LRRC37A2: variants seen among roughly 807,000 people sequenced by gnomAD.
The protein encoded by LRRC37A2 is leucine-rich repeat-containing protein 37A2.
In LRRC37A2, 9 loss-of-function variants were observed where a neutral mutation model predicts 68.8. The ratio of observed to expected loss-of-function variants is 0.13; its 90% CI spans 0.08 to 0.23. The LOEUF (loss-of-function observed/expected upper bound fraction) is 0.23. LRRC37A2 is among the 10% of genes least tolerant of loss of function. The pLI is 1.00. For synonymous variants in LRRC37A2, 63 were observed against 367.6 expected (o/e 0.17, Z 9.48); for missense variants, 168 against 950.4 (o/e 0.18, Z 10.82).
the LRRC37A2 span, among the ~76,000 whole-genome samples, chr17:46,945,055 C>T: frequency 6.6e-6 from 1 of 152,112 alleles, no homozygotes; most frequent in Non-Finnish European, 1.5e-5. Context: ...TAGTTTAGTG[C>T]GGCCATTGTG....
At chr17:46,803,140 T>C in the LRRC37A2 span, among the ~76,000 whole-genome samples, 2 of 152,232 alleles carry the variant, frequency 1.3e-5, no homozygotes, top group Non-Finnish European at 2.9e-5. Context: ...GCTTGCTTGG[T>C]GTATGCACGC....
chr17:47,013,396 A>G, the LRRC37A2 span, among the ~76,000 whole-genome samples: 1 of 152,260 alleles, frequency 6.6e-6, no homozygotes, highest in Non-Finnish European at 1.5e-5. Flanking sequence ...ATTGTCCAAG[A>G]TCTGGCCAGT....
At chr17:46,729,457 C>T in the LRRC37A2 span, among the ~76,000 whole-genome samples, 1 of 152,004 alleles carries the variant, frequency 6.6e-6, no homozygotes, top group Non-Finnish European at 1.5e-5. Flanking sequence ...ATCTTGATTC[C>T]TGTGTTTGCA....
At chr17:46,955,061 G>C in the LRRC37A2 span, among the ~76,000 whole-genome samples, 1 of 152,196 alleles carries the variant, frequency 6.6e-6, no homozygotes, top group Non-Finnish European at 1.5e-5. Flanking sequence ...TGTTGAATAG[G>C]AGTGGTGAGA....
the LRRC37A2 span, among the ~76,000 whole-genome samples, chr17:46,793,108 TAA>T: frequency 6.2e-3 from 869 of 140,052 alleles, 1 homozygote; most frequent in Middle Eastern, 0.014. Flanking sequence ...CTACTAAAAT[TAA>T]AAAAAAAAAA....
chr17:46,903,618 A>G, the LRRC37A2 span, among the ~76,000 whole-genome samples: 7 of 152,006 alleles, frequency 4.6e-5, no homozygotes, highest in Non-Finnish European at 1.0e-4. Flanking sequence ...CATGGCTTCC[A>G]CCTCTCTGGA....
the LRRC37A2 span, among the ~76,000 whole-genome samples, chr17:46,709,964 A>G: frequency 6.6e-6 from 1 of 152,216 alleles, no homozygotes; most frequent in Non-Finnish European, 1.5e-5. Context: ...GTGGTCTGAA[A>G]AATTATTTTG....
At chr17:46,610,027 T>TTCTTTCTTTCTC in the LRRC37A2 span, among the ~76,000 whole-genome samples, 70 of 109,528 alleles carry the variant, frequency 6.4e-4, 1 homozygote, top group African/African-American at 1.9e-3. Flanking sequence ...CTTTCTTTCT[T>TTCTTTCTTTCTC]TCTCTCTCTC....
At chr17:46,938,434 C>T in the LRRC37A2 span, among the ~76,000 whole-genome samples, 2 of 152,088 alleles carry the variant, frequency 1.3e-5, no homozygotes, top group African/African-American at 2.4e-5. Flanking sequence ...AAAAATCAGT[C>T]GACGACATGA....
chr17:46,731,607 C>G, the LRRC37A2 span, among the ~76,000 whole-genome samples: 4 of 152,040 alleles, frequency 2.6e-5, no homozygotes, highest in African/African-American at 7.2e-5. Flanking sequence ...CGTGGCCCAG[C>G]TTGGGAGAAA....
the LRRC37A2 span, among the ~76,000 whole-genome samples, chr17:46,697,363 A>G: frequency 6.8e-6 from 1 of 147,048 alleles, no homozygotes; most frequent in Admixed American, 6.8e-5. Context: ...GGCATGTGCC[A>G]CCACGCCCAG....
the LRRC37A2 span, chr17:46,938,612 A>T: frequency 6.2e-7 from 1 of 1,613,994 alleles, no homozygotes. Context: ...ACTCAGAAGA[A>T]GATCCTTGAC....
At chr17:46,832,223 C>G in the LRRC37A2 span, among the ~76,000 whole-genome samples, 1 of 152,190 alleles carries the variant, frequency 6.6e-6, no homozygotes, top group African/African-American at 2.4e-5. Context: ...GAGTTTAAGC[C>G]TTGGTTCCAG....
the LRRC37A2 span, among the ~76,000 whole-genome samples, chr17:46,904,706 T>C: frequency 6.6e-6 from 1 of 152,138 alleles, no homozygotes; most frequent in Non-Finnish European, 1.5e-5. Context: ...GTATTCTCAA[T>C]TCAGGTTAGA....
the LRRC37A2 span, among the ~76,000 whole-genome samples, chr17:46,822,576 C>T: frequency 2.0e-5 from 3 of 152,230 alleles, no homozygotes; most frequent in Admixed American, 6.5e-5. Flanking sequence ...GGTCCCACTC[C>T]GCTCCCTGCG....
At chr17:46,931,220 C>T in the LRRC37A2 span, 2 of 1,173,714 alleles carry the variant, frequency 1.7e-6, no homozygotes, top group East Asian at 2.3e-5. Context: ...AAGTGCTGAC[C>T]TCTGACATGG....
the LRRC37A2 span, among the ~76,000 whole-genome samples, chr17:47,002,259 G>A: frequency 6.6e-6 from 1 of 152,232 alleles, no homozygotes; most frequent in African/African-American, 2.4e-5. Context: ...TGGAATACCT[G>A]AGATGTTTTG....
At chr17:46,388,394 CAAAA>C in the LRRC37A2 span, among the ~76,000 whole-genome samples, 1 of 44,670 alleles carries the variant, frequency 2.2e-5, no homozygotes, top group Admixed American at 2.0e-4. Flanking sequence ...ACTAAAAATA[CAAAA>C]AAAAAAAAAA....
At chr17:46,779,103 A>ACACACACACACACACACCCCCC in the LRRC37A2 span, among the ~76,000 whole-genome samples, 10 of 133,588 alleles carry the variant, frequency 7.5e-5, no homozygotes, top group East Asian at 5.1e-4. Flanking sequence ...ACACACACAC[A>ACACACACACACACACACCCCCC]CCCCAGCCCA....
Sources: allele counts gnomAD v4.1 joint callset (sites outside exome capture counted in the v4.1 genomes callset), GRCh38; gene constraint gnomAD v4.1.1; transcripts MANE v1.5; gene names NCBI Gene and HGNC (gene_info 2026-07-23, HGNC 2026-07-21).